Variants in CFAP61 observed in about 807,000 individuals in gnomAD.
CFAP61 encodes the protein cilia and flagella associated protein 61, also known as cilia- and flagella-associated protein 61.
In CFAP61, 107 loss-of-function variants were observed where a neutral mutation model predicts 135.6. That is an observed-to-expected ratio of 0.79 (90% CI 0.67 to 0.93). The LOEUF is 0.93. Among genes scored for constraint, CFAP61 ranks in the 40% least tolerant of loss-of-function variants. CFAP61 has a pLI of 0.00. For synonymous variants in CFAP61, 575 were observed against 578.5 expected, an observed-to-expected ratio of 0.99 and a Z score of 0.09; for missense variants, 1,507 against 1,556.2, an observed-to-expected ratio of 0.97 and a Z score of 0.53.
chr20:20,322,345 C>A (rs1357223546), intron 25 of CFAP61, among the ~76,000 whole-genome samples: 1 of 152,168 alleles, frequency 6.6e-6, no homozygotes, highest in Non-Finnish European at 1.5e-5. Context: ...TGTTTCCTGA[C>A]ATGAAGTCCC....
intron 3 of CFAP61, 71 bp downstream of exon 3, chr20:20,071,075 G>T: frequency 6.7e-7 from 1 of 1,491,504 alleles, no homozygotes; most frequent in Non-Finnish European, 9.2e-7. Flanking sequence ...TTGTGATTAT[G>T]TCTTTCCAAG....
intron 18 of CFAP61, among the ~76,000 whole-genome samples, chr20:20,230,023 A>T (rs1045762955): frequency 6.7e-6 from 1 of 149,232 alleles, no homozygotes; most frequent in African/African-American, 2.4e-5. Context: ...AAATTATAGC[A>T]GTTAAGAAGT....
chr20:20,324,101 T>C (rs1331119911), intron 25 of CFAP61, among the ~76,000 whole-genome samples: 1 of 152,234 alleles, frequency 6.6e-6, no homozygotes, highest in Non-Finnish European at 1.5e-5. Context: ...TAAAATTGTT[T>C]TAATATTCTC....
chr20:20,358,073 C>CTGAGGGGAGGTGGTCACACTG (rs2059325176), intron 26 of CFAP61, among the ~76,000 whole-genome samples: 8 of 133,340 alleles, frequency 6.0e-5, no homozygotes, highest in African/African-American at 2.4e-4. Context: ...GGTGGTCACA[C>CTGAGGGGAGGTGGTCACACTG]TGAGGGGAGG....
At chr20:20,156,481 GA>G (rs1477012392) in intron 9 of CFAP61, among the ~76,000 whole-genome samples, 2 of 152,056 alleles carry the variant, frequency 1.3e-5, no homozygotes, top group Non-Finnish European at 2.9e-5. Context: ...AACAAGTTAA[GA>G]ATGCCTTTTC....
intron 18 of CFAP61, among the ~76,000 whole-genome samples, chr20:20,231,339 T>C (rs961504433): frequency 1.3e-5 from 2 of 152,178 alleles, no homozygotes; most frequent in African/African-American, 4.8e-5. Context: ...GAGGAGCCTG[T>C]TGGGCCCTCC....
At chr20:20,113,223 A>G (rs886644766) in intron 8 of CFAP61, among the ~76,000 whole-genome samples, 3 of 152,160 alleles carry the variant, frequency 2.0e-5, no homozygotes, top group African/African-American at 7.2e-5. Flanking sequence ...TATTGTTGAC[A>G]TGGTCTATCT....
intron 6 of CFAP61, among the ~76,000 whole-genome samples, chr20:20,089,469 A>T (rs2047027183): frequency 6.6e-6 from 1 of 152,050 alleles, no homozygotes; most frequent in Non-Finnish European, 1.5e-5. Context: ...ATAAAATGGG[A>T]TGATGAAGAT....
chr20:20,117,322 C>T (rs938785302), intron 8 of CFAP61, among the ~76,000 whole-genome samples: 11 of 151,880 alleles, frequency 7.2e-5, no homozygotes, highest in African/African-American at 2.7e-4. Context: ...CCAGCCTGGG[C>T]AACAGAGTGA....
At chr20:20,087,731 T>C (rs1264318234) in intron 6 of CFAP61, among the ~76,000 whole-genome samples, 1 of 152,040 alleles carries the variant, frequency 6.6e-6, no homozygotes, top group African/African-American at 2.4e-5. Context: ...TTTTTTAACG[T>C]TTGCTATTTT....
At chr20:20,091,673 T>A (rs907097381) in intron 7 of CFAP61, among the ~76,000 whole-genome samples, 4 of 151,788 alleles carry the variant, frequency 2.6e-5, no homozygotes, top group African/African-American at 7.3e-5. Context: ...TTCCTGTAAT[T>A]ATTATTATTA....
chr20:20,335,214 T>G (rs1458018847), intron 25 of CFAP61, among the ~76,000 whole-genome samples: 2 of 152,082 alleles, frequency 1.3e-5, no homozygotes, highest in East Asian at 3.9e-4. Flanking sequence ...GGTTTTGGAG[T>G]AGTTGGAGTC....
chr20:20,070,098 G>C (rs767115191), intron 2 of CFAP61, among the ~76,000 whole-genome samples: 2 of 152,154 alleles, frequency 1.3e-5, no homozygotes, highest in African/African-American at 2.4e-5. Context: ...CACAAGACAG[G>C]GTAGCAGTTG....
At chr20:20,089,763 G>A (rs1017027108) in intron 6 of CFAP61, among the ~76,000 whole-genome samples, 22 of 152,046 alleles carry the variant, frequency 1.4e-4, no homozygotes, top group African/African-American at 3.9e-4. Flanking sequence ...ACCTGCCACC[G>A]CCCCCTGTGC....
At chr20:20,130,809 T>C (rs1214676890) in intron 8 of CFAP61, among the ~76,000 whole-genome samples, 1 of 151,794 alleles carries the variant, frequency 6.6e-6, no homozygotes, top group African/African-American at 2.4e-5. Flanking sequence ...CCATGCTAAT[T>C]TGGAGTCTCC....
chr20:20,325,673 T>C (rs1379177527), intron 25 of CFAP61, among the ~76,000 whole-genome samples: 1 of 152,248 alleles, frequency 6.6e-6, no homozygotes, highest in African/African-American at 2.4e-5. Context: ...AAAACTGCTG[T>C]AACATGTACA....
chr20:20,206,407 T>A (rs1416097901), intron 17 of CFAP61, among the ~76,000 whole-genome samples: 1 of 152,172 alleles, frequency 6.6e-6, no homozygotes, highest in Admixed American at 6.5e-5. Context: ...CCTGTACCCA[T>A]TGGCAGTCAC....
intron 15 of CFAP61, among the ~76,000 whole-genome samples, chr20:20,195,592 G>A (rs1260555057): frequency 1.3e-5 from 2 of 150,562 alleles, no homozygotes; most frequent in African/African-American, 4.8e-5. Flanking sequence ...GGGGGGACCA[G>A]AACTGGGCCT....
chr20:20,122,594 T>G (rs1364945390), intron 8 of CFAP61, among the ~76,000 whole-genome samples: 1 of 152,250 alleles, frequency 6.6e-6, no homozygotes, highest in East Asian at 1.9e-4. Flanking sequence ...GCAAATGCTG[T>G]TAATTCATTC....
Sources: gnomAD v4.1 joint callset for allele counts (sites outside exome capture counted in the v4.1 genomes callset) on GRCh38, gnomAD v4.1.1 for gene constraint, MANE v1.5 for transcripts, NCBI Gene and HGNC (gene_info 2026-07-23, HGNC 2026-07-21) for gene names.